Variants in ANTXR2 observed in about 807,000 individuals in gnomAD.
ANTXR2 encodes the protein anthrax toxin receptor 2.
Under a neutral mutation model 73.7 loss-of-function variants are expected in ANTXR2, and 44 were observed. The ratio of observed to expected loss-of-function variants is 0.60; its 90% CI spans 0.47 to 0.77. ANTXR2 has a LOEUF of 0.77. Among genes scored for constraint, ANTXR2 ranks in the 30% least tolerant of loss-of-function variants. ANTXR2 has a pLI of 0.00. For synonymous variants in ANTXR2, 217 were observed against 205.9 expected, an observed-to-expected ratio of 1.05 and a Z score of -0.46; for missense variants, 604 against 592.5, an observed-to-expected ratio of 1.02 and a Z score of -0.20.
In ANTXR2 at chr4:79,902,191, T is replaced by C. The variant is rs1401148905; in HGVS notation, c.*5238A>G. 3.3e-5 allele frequency: 5 copies of C among 152,190 alleles called. No individual in the cohort carries two copies. Among genetic ancestry groups the C allele is most frequent in the Non-Finnish European group, 1.5e-5 (1 of 68,028 alleles). 9.4% of individuals were successfully genotyped at this position (152,190 alleles called of 1,614,324 possible). ...TTCATCTAAGATACAAATAACTTCA[T>C]GGCAATTAGGAAACCCTATTTAGGT... On this transcript the variant is annotated 3_prime_UTR_variant, in exon 17 of 17. Coordinates refer to ENST00000403729, the MANE Select transcript of ANTXR2 (RefSeq NM_058172.6).
chr4:79,988,192 T>C (rs1440938920), intron 12 of ANTXR2, among the ~76,000 whole-genome samples: 4 of 142,056 alleles, frequency 2.8e-5, no homozygotes, highest in African/African-American at 1.0e-4. Flanking sequence ...AAAACCCAAC[T>C]ATACACTATA....
At chr4:80,044,178 A>G (rs973448110) in intron 7 of ANTXR2, among the ~76,000 whole-genome samples, 1 of 152,022 alleles carries the variant, frequency 6.6e-6, no homozygotes. Flanking sequence ...TGGTATTGTC[A>G]AGGAAACATC....
At chr4:79,956,696 T>C (rs1333565033) in intron 16 of ANTXR2, among the ~76,000 whole-genome samples, 2 of 152,032 alleles carry the variant, frequency 1.3e-5, no homozygotes, top group African/African-American at 4.8e-5. Flanking sequence ...CTCCTGAAAT[T>C]ATGAGTTCCC....
At chr4:79,988,867 A>G (rs1194610078) in intron 12 of ANTXR2, among the ~76,000 whole-genome samples, 1 of 152,188 alleles carries the variant, frequency 6.6e-6, no homozygotes, top group Non-Finnish European at 1.5e-5. Flanking sequence ...AATTACATGG[A>G]AAGTAAACAA....
chr4:79,975,670 A>T (rs1729594134), intron 16 of ANTXR2, among the ~76,000 whole-genome samples: 1 of 152,188 alleles, frequency 6.6e-6, no homozygotes, highest in Admixed American at 6.5e-5. Context: ...CAATTTTAAA[A>T]TACATGAAGT....
chr4:79,988,117 C>T (rs751019300), intron 12 of ANTXR2, among the ~76,000 whole-genome samples: 34 of 150,708 alleles, frequency 2.3e-4, no homozygotes, highest in Non-Finnish European at 2.1e-4. Context: ...CAATATTGAC[C>T]TTGAAGATAA....
At chr4:80,070,523 T>C (rs1424972281) in intron 2 of ANTXR2, among the ~76,000 whole-genome samples, 1 of 152,220 alleles carries the variant, frequency 6.6e-6, no homozygotes, top group African/African-American at 2.4e-5. Context: ...TAGGATCTTG[T>C]TTGTTTTTCT....
At chr4:79,999,186 CTCATCTCG>C (rs746905741) in intron 12 of ANTXR2, among the ~76,000 whole-genome samples, 1 of 152,000 alleles carries the variant, frequency 6.6e-6, no homozygotes, top group African/African-American at 2.4e-5. Flanking sequence ...CCACCCAAAT[CTCATCTCG>C]AATTGTAATC....
rs61741647 is a variant in ANTXR2, at chr4:80,055,981, T to C, written c.329A>G (p.Lys110Arg). The change falls in exon 4 of 17, where the codon AAA (lysine) becomes AGA (arginine). Residue 110 changes from lysine to arginine, a missense_variant. Coordinates refer to ENST00000403729, the MANE Select transcript of ANTXR2 (RefSeq NM_058172.6). Reference protein sequence around the residue: ...GKISKGLEDLKRVSPVGETYI... With the variant: ...GKISKGLEDLRRVSPVGETYI... ...TGTCTCTCCTACTGGACTAACACGT[T>C]TTAAATCCTCCAAGCCTTTACTGAT... 1,196 of 1,570,408 alleles carry C rather than the reference T, an allele frequency of 7.6e-4. 12 individuals are homozygous for C. In the African/African-American group the frequency reaches 0.015, roughly 20 times the overall value.
intron 11 of ANTXR2, among the ~76,000 whole-genome samples, chr4:80,015,892 AAAGGAAAGGAAAGGAAAGGAAAGGAAAGG>A (rs1731823759): frequency 1.3e-5 from 1 of 78,806 alleles, no homozygotes; most frequent in African/African-American, 5.8e-5. Context: ...AAAGGAAAGG[AAAGGAAAGGAAAGGAAAGGAAAGGAAAGG>A]AAAAAGGAAA....
chr4:79,993,760 G>GCGCGCACACACACACACACACA (rs71662888), intron 12 of ANTXR2, among the ~76,000 whole-genome samples: 16 of 140,658 alleles, frequency 1.1e-4, no homozygotes, highest in African/African-American at 4.1e-4. Flanking sequence ...ACACACACAC[G>GCGCGCACACACACACACACACA]CACACACACA....
intron 16 of ANTXR2, among the ~76,000 whole-genome samples, chr4:79,926,893 G>GTA (rs1331809791): frequency 1.1e-4 from 14 of 121,742 alleles, no homozygotes; most frequent in Admixed American, 8.5e-4. Context: ...ATATATGTGT[G>GTA]TATATACACA....
intron 9 of ANTXR2, among the ~76,000 whole-genome samples, chr4:80,032,212 GTTAC>G (rs1241546615): frequency 6.6e-6 from 1 of 151,714 alleles, no homozygotes; most frequent in Non-Finnish European, 1.5e-5. Context: ...ATGCAGAAAA[GTTAC>G]TTAGTCAAAC....
Position 80,033,477 on chromosome 4 carries a change from GTA to G in ANTXR2, c.789_790del (p.Thr264AsnfsTer11), listed in dbSNP as rs1732796193. ...TGAGATTACTGGGGACCTACTCGTT[GTA>G]TATGTTTCATTTACAGTGTAAGTGC... On this transcript the variant is annotated frameshift_variant, in exon 9 of 17. Coordinates refer to ENST00000403729, the MANE Select transcript of ANTXR2 (RefSeq NM_058172.6). LOFTEE classifies it high-confidence loss of function. The G allele has an allele frequency of 9.4e-6, 15 of 1,596,686 alleles. No individual in the cohort carries two copies. The highest frequency in any genetic ancestry group is 1.3e-5 in the Non-Finnish European group (15 of 1,172,640).
In ANTXR2 at chr4:79,960,958, C is replaced by G. The variant is rs1229096262; in HGVS notation, c.1428+16663G>C. Reference sequence around the variant, plus strand: ...AAGTACATTTTTAGGAATAAAGGGGCAATAAAAGCTTCCTACTCAAGCCAA... The same window carrying G: ...AAGTACATTTTTAGGAATAAAGGGGGAATAAAAGCTTCCTACTCAAGCCAA... On this transcript the variant is annotated intron_variant, in intron 16 of 16. Transcript: ENST00000403729. Among the ~76,000 whole-genome samples the G allele has an allele frequency of 2.0e-5, 3 of 151,814 alleles. No individual in the cohort carries two copies. The East Asian group carries it at 5.8e-4, about 29-fold the overall frequency.
chr4:79,930,059 T>C (rs1422969520), intron 16 of ANTXR2, among the ~76,000 whole-genome samples: 1 of 152,184 alleles, frequency 6.6e-6, no homozygotes, highest in African/African-American at 2.4e-5. Flanking sequence ...GACCAAGATT[T>C]GCACACAGAA....
intron 16 of ANTXR2, among the ~76,000 whole-genome samples, chr4:79,912,175 G>A (rs921525635): frequency 7.3e-5 from 11 of 151,530 alleles, no homozygotes; most frequent in Non-Finnish European, 1.3e-4. Flanking sequence ...ATTAAGGTTC[G>A]GCAGAATAAA....
intron 12 of ANTXR2, among the ~76,000 whole-genome samples, chr4:79,986,490 G>T (rs62298611): frequency 0.099 from 15,072 of 152,164 alleles, 1,837 homozygotes; most frequent in East Asian, 0.64. Flanking sequence ...CAGGTGAAAT[G>T]ATATGATTTT....
rs1726862304 is a variant in ANTXR2, at chr4:79,905,395, T to C, written c.*2034A>G. 6.6e-6 allele frequency: 1 copy of C among 152,204 alleles called. No homozygotes were observed. The highest frequency in any genetic ancestry group is 6.6e-5 in the Admixed American group (1 of 15,262). 9.4% of individuals were successfully genotyped at this position (152,204 alleles called of 1,614,324 possible). A position where few individuals can be genotyped will look rare whatever the true frequency, so the allele number is the denominator to read the frequency against. ...ATTGCAGAAAGGGTTGGGTATACTA[T>C]ATCAGGCTTCCAAGTTACACTTGCA... On this transcript the variant is annotated 3_prime_UTR_variant, in exon 17 of 17. Coordinates refer to ENST00000403729, the MANE Select transcript of ANTXR2 (RefSeq NM_058172.6).
Sources: gnomAD v4.1 joint callset for allele counts (sites outside exome capture counted in the v4.1 genomes callset) on GRCh38, gnomAD v4.1.1 for gene constraint, MANE v1.5 for transcripts, NCBI Gene and HGNC (gene_info 2026-07-23, HGNC 2026-07-21) for gene names.